TMEM132D: variants seen among roughly 807,000 people sequenced by gnomAD.
The protein encoded by TMEM132D is transmembrane protein 132D.
Under a neutral mutation model 62.3 loss-of-function variants are expected in TMEM132D, and 21 were observed. That is an observed-to-expected ratio of 0.34 (90% CI 0.24 to 0.49). The LOEUF (loss-of-function observed/expected upper bound fraction) is 0.49, where lower values mean the gene tolerates loss of function less well. Ranked by LOEUF, TMEM132D falls within the 20% of genes least tolerant of loss-of-function variation. The pLI, the probability that TMEM132D is intolerant of heterozygous loss-of-function variation, is 0.99. For synonymous variants in TMEM132D, 621 were observed against 575.6 expected (o/e 1.08, Z -1.13); for missense variants, 1,346 against 1,402.8 (o/e 0.96, Z 0.65).
chr12:129,404,969 T>A (rs991943926), intron 3 of TMEM132D, among the ~76,000 whole-genome samples: 1 of 152,192 alleles, frequency 6.6e-6, no homozygotes, highest in Non-Finnish European at 1.5e-5. Flanking sequence ...AGCATAGGGC[T>A]ATAAGATAAA....
At chr12:129,860,758 A>G (rs1382414934) in intron 1 of TMEM132D, among the ~76,000 whole-genome samples, 1 of 152,202 alleles carries the variant, frequency 6.6e-6, no homozygotes, top group Non-Finnish European at 1.5e-5. Flanking sequence ...GAAACTTACA[A>G]TCATGAAAGA....
chr12:129,547,756 C>T (rs1367582645), intron 2 of TMEM132D, among the ~76,000 whole-genome samples: 1 of 152,182 alleles, frequency 6.6e-6, no homozygotes, highest in African/African-American at 2.4e-5. Flanking sequence ...AATCAATACC[C>T]TACTAAAAGA....
chr12:129,130,634 G>A (rs538344012), intron 5 of TMEM132D, among the ~76,000 whole-genome samples: 1 of 152,168 alleles, frequency 6.6e-6, no homozygotes, highest in African/African-American at 2.4e-5. Flanking sequence ...AGACCAACAG[G>A]TTCAGAGCAT....
intron 3 of TMEM132D, among the ~76,000 whole-genome samples, chr12:129,525,239 T>G (rs1192721419): frequency 1.7e-4 from 23 of 134,578 alleles, no homozygotes; most frequent in African/African-American, 5.9e-4. Flanking sequence ...TTTTTTTTTT[T>G]TTTTTTTTTT....
At position 129,107,489 on chromosome 12, in the gene TMEM132D, A is replaced by T. The variant is rs954958974; in HGVS notation, c.1444-22787T>A. On this transcript the variant is annotated intron_variant, in intron 5 of 8. Transcript: ENST00000422113. The stretch of plus-strand genomic sequence containing the variant: ...ATTGTAAATGATGCAGATTGAATGC[A>T]GGTTGACACTTAGTAGCTGCTGAAG... Among the ~76,000 whole-genome samples, 3 of 152,250 alleles carry T rather than the reference A, an allele frequency of 2.0e-5. No individual in the cohort carries two copies. The East Asian group carries it at 5.8e-4, about 29-fold the overall frequency.
intron 1 of TMEM132D, among the ~76,000 whole-genome samples, chr12:129,877,532 A>G (rs1222129031): frequency 6.6e-6 from 1 of 152,162 alleles, no homozygotes; most frequent in Non-Finnish European, 1.5e-5. Context: ...TCAGCCTGCA[A>G]ACAGACATGG....
rs11609065 is a variant in TMEM132D, at chr12:129,331,814, G to A, written c.1299+5820C>T. Among the ~76,000 whole-genome samples, 67 of 152,330 alleles carry A rather than the reference G, an allele frequency of 4.4e-4. No individual in the cohort carries two copies. The South Asian group carries it at 0.011, about 24-fold the overall frequency. The stretch of plus-strand genomic sequence containing the variant: ...AAACACTTGTTTTAGCCAAAACTCA[G>A]GAGGCAGTTAGGAGAGAAGGACGTT... On this transcript the variant is annotated intron_variant, in intron 4 of 8. Transcript: ENST00000422113.
chr12:129,685,296 G>A (rs1306355823), intron 2 of TMEM132D, among the ~76,000 whole-genome samples: 1 of 152,182 alleles, frequency 6.6e-6, no homozygotes, highest in Admixed American at 6.5e-5. Flanking sequence ...GCTGGGCCCA[G>A]GGCCCCCCTA....
chr12:129,826,559 C>A (rs1872669396), intron 1 of TMEM132D, among the ~76,000 whole-genome samples: 1 of 152,182 alleles, frequency 6.6e-6, no homozygotes. Context: ...AAAAGATCTT[C>A]TTTGAACTCA....
intron 1 of TMEM132D, among the ~76,000 whole-genome samples, chr12:129,756,798 C>T (rs1593149498): frequency 1.3e-5 from 2 of 152,330 alleles, no homozygotes; most frequent in South Asian, 2.1e-4. Flanking sequence ...TTGTTCACCA[C>T]CTGCCTGGCT....
At chr12:129,403,426 G>T (rs1195414259) in intron 3 of TMEM132D, among the ~76,000 whole-genome samples, 1 of 151,610 alleles carries the variant, frequency 6.6e-6, no homozygotes, top group Non-Finnish European at 1.5e-5. Flanking sequence ...AGGGGTGACT[G>T]CAAAGCATTC....
intron 1 of TMEM132D, among the ~76,000 whole-genome samples, chr12:129,896,207 A>G (rs1875123801): frequency 6.6e-6 from 1 of 150,980 alleles, no homozygotes; most frequent in Admixed American, 6.6e-5. Context: ...CTGGTCTTGA[A>G]CTCCTGGACT....
At chr12:129,452,425 T>A (rs1303357838) in intron 3 of TMEM132D, among the ~76,000 whole-genome samples, 2 of 152,214 alleles carry the variant, frequency 1.3e-5, no homozygotes, top group African/African-American at 4.8e-5. Flanking sequence ...TTGGCTCACA[T>A]TCCTTCCTCT....
chr12:129,680,338 A>T (rs1880746803), intron 2 of TMEM132D, among the ~76,000 whole-genome samples: 1 of 152,208 alleles, frequency 6.6e-6, no homozygotes, highest in Non-Finnish European at 1.5e-5. Context: ...AAAAGATAAA[A>T]GGGAAAAGAA....
intron 2 of TMEM132D, among the ~76,000 whole-genome samples, chr12:129,580,867 T>C (rs1272227244): frequency 6.6e-6 from 1 of 152,220 alleles, no homozygotes; most frequent in Admixed American, 6.5e-5. Flanking sequence ...TGGAACTCTA[T>C]ACCTCCAAAT....
Position 129,371,738 on chromosome 12 carries a change from G to A in TMEM132D, c.1116-33921C>T, listed in dbSNP as rs1482912178. 6.6e-6 allele frequency among the ~76,000 whole-genome samples: 1 copy of A among 152,172 alleles called. No homozygotes were observed. Among genetic ancestry groups the A allele is most frequent in the East Asian group, 1.9e-4 (1 of 5,180 alleles). ...TGATGATGATGGGGTGTTTAGAACT[G>A]GAAAACATGGAAGTCTATACATAGC... On this transcript the variant is annotated intron_variant, in intron 3 of 8. Transcript: ENST00000422113. The surrounding 1 kb of genome is among the most constrained non-coding windows in gnomAD (Gnocchi z 4.3).
At position 129,205,188 on chromosome 12, in the gene TMEM132D, G is replaced by T. The variant is rs1482316613; in HGVS notation, c.1443+4332C>A. Among the ~76,000 whole-genome samples, 4 of 152,044 alleles carry T rather than the reference G, an allele frequency of 2.6e-5. No homozygotes were observed. The East Asian group carries it at 7.7e-4, about 29-fold the overall frequency. Reference sequence around the variant, plus strand: ...CAATACTAACTTTAAATGTAAATGGGCTAAATGCCTCAATTAAAAGGCACA... The same window carrying T: ...CAATACTAACTTTAAATGTAAATGGTCTAAATGCCTCAATTAAAAGGCACA... On this transcript the variant is annotated intron_variant, in intron 5 of 8. Transcript: ENST00000422113.
chr12:129,708,998 G>A (rs926579545), intron 1 of TMEM132D, among the ~76,000 whole-genome samples: 1 of 152,174 alleles, frequency 6.6e-6, no homozygotes, highest in Non-Finnish European at 1.5e-5. Context: ...CTACTCAGAT[G>A]AGACCATGGA....
At chr12:129,600,521 C>G (rs1878457735) in intron 2 of TMEM132D, among the ~76,000 whole-genome samples, 2 of 152,218 alleles carry the variant, frequency 1.3e-5, no homozygotes, top group Admixed American at 1.3e-4. Context: ...TTTCAACTTA[C>G]TTTGCCCAAA....
Sources: gnomAD v4.1 joint callset for allele counts (sites outside exome capture counted in the v4.1 genomes callset) on GRCh38, gnomAD v4.1.1 for gene constraint, Gnocchi (gnomAD v3.1) non-coding constraint, MANE v1.5 for transcripts, NCBI Gene and HGNC (gene_info 2026-07-23, HGNC 2026-07-21) for gene names.